The following CADPS variants were observed in gnomAD, a reference collection of about 807,000 sequenced individuals.
CADPS encodes the protein calcium dependent secretion activator, also known as calcium-dependent secretion activator 1.
Under a neutral mutation model 167.3 loss-of-function variants are expected in CADPS, and 57 were observed. The observed-to-expected ratio is 0.34, with a 90% CI of 0.28 to 0.42. The LOEUF (loss-of-function observed/expected upper bound fraction) is 0.42. CADPS is among the 20% of genes least tolerant of loss of function. The pLI, the probability that CADPS is intolerant of heterozygous loss-of-function variation, is 1.00. For missense variants in CADPS, 1,414 were observed against 1,738.1 expected (o/e 0.81, Z 3.32); for synonymous variants, 676 against 635.3 (o/e 1.06, Z -0.96).
chr3:62,739,719 C>T (rs908118498), intron 3 of CADPS, among the ~76,000 whole-genome samples: 1 of 152,164 alleles, frequency 6.6e-6, no homozygotes, highest in South Asian at 2.1e-4. Flanking sequence ...TTCAAAGAAG[C>T]AGTCTTTTAA....
intron 28 of CADPS, among the ~76,000 whole-genome samples, chr3:62,407,734 T>C (rs1270364952): frequency 6.6e-6 from 1 of 152,192 alleles, no homozygotes; most frequent in Non-Finnish European, 1.5e-5. Flanking sequence ...ACTTTCTTTT[T>C]GTTTGTTTTT....
intron 1 of CADPS, among the ~76,000 whole-genome samples, chr3:62,858,898 T>A (rs1372112856): frequency 6.6e-6 from 1 of 152,206 alleles, no homozygotes; most frequent in Non-Finnish European, 1.5e-5. Context: ...GTTGCTATCA[T>A]ATTTATAGAA....
intron 3 of CADPS, among the ~76,000 whole-genome samples, chr3:62,697,091 G>A (rs35553727): frequency 0.079 from 12,079 of 152,136 alleles, 636 homozygotes; most frequent in Non-Finnish European, 0.12. Flanking sequence ...GGGATCTTGG[G>A]CAAATTACTT....
At chr3:62,564,696 T>C (rs186358078) in intron 9 of CADPS, among the ~76,000 whole-genome samples, 38 of 150,396 alleles carry the variant, frequency 2.5e-4, no homozygotes, top group African/African-American at 9.3e-4. Flanking sequence ...AACTTCCGCC[T>C]CCTAGGTTTA....
intron 5 of CADPS, among the ~76,000 whole-genome samples, chr3:62,647,563 A>T (rs2068869380): frequency 6.6e-6 from 1 of 152,186 alleles, no homozygotes; most frequent in Admixed American, 6.5e-5. Flanking sequence ...TTTTCTTTCA[A>T]ATCTCCAGGG....
chr3:62,671,556 C>T (rs2150780306), intron 3 of CADPS, among the ~76,000 whole-genome samples: 1 of 152,248 alleles, frequency 6.6e-6, no homozygotes, highest in East Asian at 1.9e-4. Context: ...TGTGTATCCA[C>T]TTCCCTAAGC....
intron 24 of CADPS, among the ~76,000 whole-genome samples, chr3:62,468,307 C>T (rs1259098375): frequency 6.6e-6 from 1 of 152,128 alleles, no homozygotes; most frequent in Admixed American, 6.6e-5. Context: ...CTTTGCATTG[C>T]TATAAATGAT....
chr3:62,850,971 A>AAC (rs2078441582), intron 1 of CADPS, among the ~76,000 whole-genome samples: 1 of 149,714 alleles, frequency 6.7e-6, no homozygotes, highest in Non-Finnish European at 1.5e-5. Context: ...TATTGGGTGC[A>AAC]TATATATTTA....
In CADPS at chr3:62,533,013, C is replaced by T. The variant is rs768666285; in HGVS notation, c.2149G>A (p.Ala717Thr). Residue 717 changes from alanine to threonine, a missense_variant, in exon 13 of 30, where the codon GCC becomes ACC. This residue lies in a region of CADPS where 529 missense variants were observed against 629.6 expected (regional missense o/e 0.84). Transcript: ENST00000383710. ...TGACACCCCCGGACTCCATTTCGGG[C>T]GCAATACTCGTCTAGTACAAACACC... ...GQVFVLDEYC[A>T]RNGVRGCHRH... 45 of 1,613,550 alleles carry T rather than the reference C, an allele frequency of 2.8e-5. No homozygotes were observed. Among genetic ancestry groups the T allele is most frequent in the South Asian group, 6.6e-5 (6 of 91,074 alleles).
At chr3:62,426,120 T>G (rs2149503409) in intron 28 of CADPS, among the ~76,000 whole-genome samples, 1 of 152,236 alleles carries the variant, frequency 6.6e-6, no homozygotes, top group East Asian at 1.9e-4. Flanking sequence ...CCTACCTTAG[T>G]ATTAGGAAAG....
At chr3:62,774,046 A>G (rs2089642341) in intron 1 of CADPS, among the ~76,000 whole-genome samples, 1 of 152,178 alleles carries the variant, frequency 6.6e-6, no homozygotes, top group South Asian at 2.1e-4. Context: ...AACATTGATT[A>G]AGATGGGATT....
intron 3 of CADPS, among the ~76,000 whole-genome samples, chr3:62,710,016 C>T (rs1024399986): frequency 2.0e-5 from 3 of 152,094 alleles, no homozygotes; most frequent in African/African-American, 7.2e-5. Context: ...ATCTGCCCAC[C>T]TCGGCCTCCC....
At chr3:62,801,740 C>G (rs1456417234) in intron 1 of CADPS, among the ~76,000 whole-genome samples, 2 of 151,926 alleles carry the variant, frequency 1.3e-5, no homozygotes, top group Admixed American at 6.6e-5. Flanking sequence ...GTGTCATTAC[C>G]CCGTTTTACG....
intron 26 of CADPS, among the ~76,000 whole-genome samples, chr3:62,448,562 G>A (rs978954842): frequency 1.3e-5 from 2 of 151,818 alleles, no homozygotes; most frequent in East Asian, 3.9e-4. Flanking sequence ...GTAAATTGTG[G>A]TCTATTATTA....
chr3:62,536,423 G>A, intron 12 of CADPS, 22 bp downstream of exon 12: 2 of 1,603,876 alleles, frequency 1.2e-6, no homozygotes, highest in Admixed American at 1.7e-5. Context: ...TTAAATTGCT[G>A]TAGACCAAAG....
intron 28 of CADPS, among the ~76,000 whole-genome samples, chr3:62,429,688 A>C (rs1044632580): frequency 3.3e-5 from 5 of 151,326 alleles, no homozygotes; most frequent in African/African-American, 1.2e-4. Context: ...TACTGCTTCC[A>C]TGCCGTTAAG....
intron 3 of CADPS, among the ~76,000 whole-genome samples, chr3:62,663,368 C>G (rs2073744749): frequency 6.6e-6 from 1 of 152,092 alleles, no homozygotes; most frequent in Non-Finnish European, 1.5e-5. Context: ...TGAGTTGAAA[C>G]TATTATTTCC....
chr3:62,679,226 G>T (rs992028870), intron 3 of CADPS, among the ~76,000 whole-genome samples: 15 of 152,012 alleles, frequency 9.9e-5, no homozygotes, highest in Admixed American at 7.9e-4. Context: ...GCTGGAGTGG[G>T]GTACTTGTGG....
intron 28 of CADPS, among the ~76,000 whole-genome samples, chr3:62,405,147 G>A (rs1435707940): frequency 6.7e-6 from 1 of 149,396 alleles, no homozygotes; most frequent in Non-Finnish European, 1.5e-5. Context: ...GGGGGGGGGG[G>A]GGGCTCAACA....
Sources: gnomAD v4.1 joint callset for allele counts (sites outside exome capture counted in the v4.1 genomes callset) on GRCh38, gnomAD v4.1.1 for gene constraint, gnomAD v4.1.1 regional missense constraint, MANE v1.5 for transcripts, NCBI Gene and HGNC (gene_info 2026-07-23, HGNC 2026-07-21) for gene names.